The following LRIG1 variants were observed in gnomAD, a reference collection of about 807,000 sequenced individuals.
LRIG1 encodes leucine-rich repeats and immunoglobulin-like domains protein 1.
In LRIG1, 48 loss-of-function variants were observed where a neutral mutation model predicts 99.2. The observed-to-expected ratio is 0.48, with a 90% confidence interval of 0.38 to 0.62. The LOEUF is 0.62. Ranked by LOEUF, LRIG1 falls within the 20% of genes least tolerant of loss-of-function variation. LRIG1 has a pLI of 0.00. For synonymous variants in LRIG1, 772 were observed against 596.1 expected (o/e 1.29, Z -4.30); for missense variants, 1,646 against 1,434.4 (o/e 1.15, Z -2.38).
rs754351453 is a variant in LRIG1 at position 66,500,390 on chromosome 3, C to A, written c.18G>T (p.Arg6=). Residue 6 remains arginine, a synonymous_variant, in exon 1 of 19, where the codon CGG becomes CGT. Transcript: ENST00000273261. ...AGCGGCGCGGGGCCCCGAGCCCTCC[C>A]CGGACCGGCCGCGCCATCTTGTCTG... The part of the protein sequence containing the change: MARPV[R]GGLGAPRRSP... 25 of 1,431,536 alleles carry A rather than the reference C, an allele frequency of 1.7e-5. No individual in the cohort carries two copies. In the African/African-American group the frequency reaches 2.9e-4, roughly 17 times the overall value. 88.7% of individuals were successfully genotyped at this position (1,431,536 alleles called of 1,614,324 possible). A position where few individuals can be genotyped will look rare whatever the true frequency, so the allele number is the denominator to read the frequency against.
At chr3:66,466,586 C>T (rs910329423) in intron 1 of LRIG1, among the ~76,000 whole-genome samples, 4 of 152,312 alleles carry the variant, frequency 2.6e-5, no homozygotes, top group African/African-American at 9.6e-5. Context: ...AGCCCAAGAG[C>T]TCTGCAGCAA....
intron 1 of LRIG1, among the ~76,000 whole-genome samples, chr3:66,495,453 A>T (rs1443265900): frequency 6.6e-6 from 1 of 152,258 alleles, no homozygotes; most frequent in Non-Finnish European, 1.5e-5. Context: ...TAAATGTCAC[A>T]TAGCTCATTC....
At chr3:66,389,018 A>G (rs1701512790) in intron 12 of LRIG1, among the ~76,000 whole-genome samples, 1 of 152,216 alleles carries the variant, frequency 6.6e-6, no homozygotes, top group African/African-American at 2.4e-5. Flanking sequence ...AGACAACTAC[A>G]TAAACCAGTA....
At chr3:66,464,495 C>T (rs1269217651) in intron 1 of LRIG1, among the ~76,000 whole-genome samples, 6 of 96,660 alleles carry the variant, frequency 6.2e-5, no homozygotes, top group African/African-American at 1.9e-4. Context: ...TTCAGGGTTG[C>T]TTTATTACTT....
intron 3 of LRIG1, among the ~76,000 whole-genome samples, chr3:66,432,573 C>T (rs1425392066): frequency 6.6e-6 from 1 of 152,152 alleles, no homozygotes; most frequent in East Asian, 1.9e-4. Flanking sequence ...TATTACCGTC[C>T]CCATTTTACA....
intron 3 of LRIG1, chr3:66,417,543 A>C (rs762941865): frequency 3.5e-5 from 15 of 422,996 alleles, no homozygotes; most frequent in Admixed American, 1.1e-4. Flanking sequence ...AGACCATGTG[A>C]GACCAGCATG....
intron 2 of LRIG1, among the ~76,000 whole-genome samples, chr3:66,460,651 C>T (rs1350075893): frequency 6.6e-6 from 1 of 152,230 alleles, no homozygotes; most frequent in African/African-American, 2.4e-5. Flanking sequence ...CTTGGACTTC[C>T]TGCTTCCAGA....
intron 3 of LRIG1, among the ~76,000 whole-genome samples, chr3:66,445,643 C>T (rs1703692064): frequency 6.6e-6 from 1 of 152,220 alleles, no homozygotes; most frequent in African/African-American, 2.4e-5. Flanking sequence ...TATTTCATCC[C>T]TCCAAAGATA....
chr3:66,414,829 A>C, intron 5 of LRIG1, 91 bp downstream of exon 5: 1 of 1,267,480 alleles, frequency 7.9e-7, no homozygotes, highest in Non-Finnish European at 1.1e-6. Context: ...TGGAGCAAGG[A>C]AAGGGTGGCG....
In LRIG1 at chr3:66,383,385, C is replaced by T. The variant is rs1199307933; in HGVS notation, c.2088G>A (p.Val696=). The T allele has an allele frequency of 1.3e-6, 2 of 1,560,658 alleles. No homozygotes were observed. The highest frequency in any genetic ancestry group is 2.3e-5 in the East Asian group (1 of 44,220). ...TLTVLETPSL[V]VPLEDRVVSV... is the part of the protein sequence containing the mutation. Reference sequence around the variant, plus strand: ...ATACCACACGGTCTTCCAAGGGGACCACCAAGGATGGGGTCTCTACAAGAG... The same window carrying T: ...ATACCACACGGTCTTCCAAGGGGACTACCAAGGATGGGGTCTCTACAAGAG... Residue 696 remains valine (V), a synonymous_variant, in exon 15 of 19, where the codon GTG becomes GTA. Transcript: ENST00000273261.
chr3:66,482,324 T>C (rs1463915039), intron 1 of LRIG1, among the ~76,000 whole-genome samples: 1 of 152,230 alleles, frequency 6.6e-6, no homozygotes, highest in Non-Finnish European at 1.5e-5. Flanking sequence ...AGATGTACTG[T>C]GCTCAAGCCC....
chr3:66,382,032 AT>A (rs1701106003), intron 16 of LRIG1, among the ~76,000 whole-genome samples: 1 of 152,212 alleles, frequency 6.6e-6, no homozygotes, highest in Non-Finnish European at 1.5e-5. Context: ...AGCCTACTTT[AT>A]CCTGCCAGGG....
chr3:66,499,164 G>A (rs933796483), intron 1 of LRIG1, among the ~76,000 whole-genome samples: 5 of 151,626 alleles, frequency 3.3e-5, no homozygotes, highest in African/African-American at 1.2e-4. Flanking sequence ...CACCAGATTT[G>A]TTAGAAGTAA....
At chr3:66,450,136 G>A (rs1355666972) in intron 3 of LRIG1, among the ~76,000 whole-genome samples, 2 of 152,124 alleles carry the variant, frequency 1.3e-5, no homozygotes, top group Non-Finnish European at 2.9e-5. Flanking sequence ...CACAAACCAA[G>A]TGGGTACAAA....
intron 9 of LRIG1, chr3:66,404,380 TC>T (rs1421209126): frequency 3.2e-6 from 4 of 1,268,214 alleles, no homozygotes; most frequent in Middle Eastern, 2.3e-4. Context: ...CCTCCAGTCT[TC>T]CCTCCGAGCT....
chr3:66,382,482 G>C, intron 15 of LRIG1, 84 bp from the exon 16 acceptor site: 2 of 1,525,288 alleles, frequency 1.3e-6, no homozygotes, highest in Non-Finnish European at 9.1e-7. Context: ...CTCAGAAAGG[G>C]GATCCTCCCA....
chr3:66,441,953 A>G (rs775347877), intron 3 of LRIG1, among the ~76,000 whole-genome samples: 56 of 152,200 alleles, frequency 3.7e-4, no homozygotes, highest in Admixed American at 3.1e-3. Context: ...AGGACTGCAG[A>G]GGTGACACAG....
At chr3:66,405,932 C>A in intron 8 of LRIG1, 1 of 999,354 alleles carries the variant, frequency 1.0e-6, no homozygotes, top group Non-Finnish European at 1.2e-6. Context: ...GCCGATGACT[C>A]AATGGCTTCC....
intron 3 of LRIG1, among the ~76,000 whole-genome samples, chr3:66,450,575 C>G (rs896405112): frequency 2.0e-5 from 3 of 152,160 alleles, no homozygotes; most frequent in African/African-American, 7.2e-5. Flanking sequence ...CTCCTGAACA[C>G]AGGGCATGCT....
Sources: allele counts gnomAD v4.1 joint callset (sites outside exome capture counted in the v4.1 genomes callset), GRCh38; gene constraint gnomAD v4.1.1; transcripts MANE v1.5; gene names NCBI Gene and HGNC (gene_info 2026-07-23, HGNC 2026-07-21).